The following PSD3 variants were observed in gnomAD, a reference collection of about 807,000 sequenced individuals.
PSD3 encodes the protein pleckstrin and Sec7 domain containing 3, also known as PH and SEC7 domain-containing protein 3.
A neutral mutation model predicts 105.5 loss-of-function variants in PSD3; 49 were observed. That is an observed-to-expected ratio of 0.46 (90% CI 0.37 to 0.59). The LOEUF is 0.59. Ranked by LOEUF, PSD3 falls within the 20% of genes least tolerant of loss-of-function variation. The pLI is 0.00. For synonymous variants in PSD3, 557 were observed against 457.8 expected (o/e 1.22, Z -2.77); for missense variants, 1,561 against 1,263.8 (o/e 1.24, Z -3.57).
chr8:18,936,151 T>A lies in PSD3; in HGVS notation c.22-9A>T, dbSNP rs754261751. 6.3e-7 allele frequency: 1 copy of A among 1,587,464 alleles called. No homozygotes were observed. The highest frequency in any genetic ancestry group is 8.6e-7 in the Non-Finnish European group (1 of 1,158,686). On this transcript the variant is annotated splice_polypyrimidine_tract_variant and intron_variant, in intron 1 of 15. Coordinates refer to ENST00000327040, the MANE Select transcript of PSD3 (RefSeq NM_015310.4). Reference sequence around the variant, plus strand: ...CAAACAAATGTCTCTGCCTGCAAAATAAGAACAAAACAAAGACACATTTAA... The same window carrying A: ...CAAACAAATGTCTCTGCCTGCAAAAAAAGAACAAAACAAAGACACATTTAA...
intron 9 of PSD3, among the ~76,000 whole-genome samples, chr8:18,709,339 C>G (rs555489598): frequency 1.3e-5 from 2 of 152,314 alleles, no homozygotes; most frequent in Admixed American, 6.5e-5. Flanking sequence ...GGATAAAACT[C>G]TTGATCCCTG....
chr8:18,860,139 G>C (rs1188132378), intron 4 of PSD3, among the ~76,000 whole-genome samples: 1 of 152,152 alleles, frequency 6.6e-6, no homozygotes, highest in Non-Finnish European at 1.5e-5. Flanking sequence ...GTGTGTCTCA[G>C]GCAATAGGGA....
At chr8:18,549,231 G>GC (rs1800625343) in intron 15 of PSD3, among the ~76,000 whole-genome samples, 1 of 146,902 alleles carries the variant, frequency 6.8e-6, no homozygotes, top group African/African-American at 2.6e-5. Context: ...GCCCAGGCTA[G>GC]AGTGCAATGG....
At chr8:18,899,147 C>T (rs1342677056) in intron 2 of PSD3, among the ~76,000 whole-genome samples, 1 of 152,156 alleles carries the variant, frequency 6.6e-6, no homozygotes, top group Non-Finnish European at 1.5e-5. Flanking sequence ...TCTTTTTCCT[C>T]ATCATCTGGC....
chr8:18,568,776 T>C (rs1801955779), intron 14 of PSD3, among the ~76,000 whole-genome samples: 1 of 152,034 alleles, frequency 6.6e-6, no homozygotes, highest in Non-Finnish European at 1.5e-5. Context: ...TACATACGTA[T>C]ACATGTGCCA....
At chr8:18,561,026 AG>A (rs1455661947) in intron 14 of PSD3, among the ~76,000 whole-genome samples, 1 of 152,228 alleles carries the variant, frequency 6.6e-6, no homozygotes, top group African/African-American at 2.4e-5. Flanking sequence ...GAAAACTGTA[AG>A]AAGGCTCCTC....
chr8:18,977,474 T>A (rs976757343), intron 1 of PSD3, among the ~76,000 whole-genome samples: 1 of 152,148 alleles, frequency 6.6e-6, no homozygotes, highest in Non-Finnish European at 1.5e-5. Flanking sequence ...AGCCAACTAA[T>A]GTTATTTGCT....
chr8:18,561,700 AT>A (rs746578655), intron 14 of PSD3, among the ~76,000 whole-genome samples: 23 of 152,184 alleles, frequency 1.5e-4, no homozygotes, highest in Non-Finnish European at 2.9e-4. Context: ...TGTTAAAAAA[AT>A]ATTTAATTTT....
intron 1 of PSD3, chr8:19,084,198 G>A (rs964806960): frequency 1.8e-5 from 8 of 446,858 alleles, no homozygotes; most frequent in Non-Finnish European, 3.2e-5. Context: ...GGACATGCGA[G>A]TTCTTACCTT....
chr8:18,893,300 A>G (rs1271931925), intron 2 of PSD3, among the ~76,000 whole-genome samples: 1 of 152,256 alleles, frequency 6.6e-6, no homozygotes, highest in African/African-American at 2.4e-5. Flanking sequence ...ATATACCTCC[A>G]AAGAAAAAGC....
In PSD3 at chr8:18,835,900, G is replaced by C. The variant is rs369106254; in HGVS notation, c.1635-31002C>G. 7.8e-4 allele frequency among the ~76,000 whole-genome samples: 118 copies of C among 151,322 alleles called. 2 individuals are homozygous for C. In the South Asian group the frequency reaches 0.025, roughly 31 times the overall value. ...GTAGATGGGGGGGCGGATCGTGTAG[G>C]GACTTGGAGGTCATGGTAAAGGCTC... On this transcript the variant is annotated intron_variant, in intron 4 of 15. Transcript: ENST00000327040.
chr8:18,817,625 T>A (rs1812321606), intron 4 of PSD3, among the ~76,000 whole-genome samples: 1 of 152,230 alleles, frequency 6.6e-6, no homozygotes, highest in South Asian at 2.1e-4. Flanking sequence ...GAGTAGAAGA[T>A]GCCCAAAAGC....
chr8:18,675,990 C>T (rs968063855), intron 9 of PSD3, among the ~76,000 whole-genome samples: 5 of 152,148 alleles, frequency 3.3e-5, no homozygotes, highest in African/African-American at 1.2e-4. Context: ...ATACATATTC[C>T]CACACAGAAG....
chr8:18,772,044 A>G lies in PSD3; in HGVS notation c.2083-6506T>C, dbSNP rs369781246. Among the ~76,000 whole-genome samples, 510 of 152,314 alleles carry G rather than the reference A, an allele frequency of 3.3e-3. 4 individuals carry two copies. Among genetic ancestry groups the G allele is most frequent in the African/African-American group, 0.011 (464 of 41,572 alleles). The stretch of plus-strand genomic sequence containing the variant: ...TGTCCTCAAGGTTCATCCATGTTGT[A>G]GCATGTGACAGGATTTCTTTCCTTT... On this transcript the variant is annotated intron_variant, in intron 8 of 15. Transcript: ENST00000327040.
chr8:18,868,216 T>A lies in PSD3; in HGVS notation c.1239-147A>T, dbSNP rs1817093066. 7.2e-6 allele frequency: 7 copies of A among 972,744 alleles called. No individual in the cohort carries two copies. In the Admixed American group the frequency reaches 1.5e-4, roughly 21 times the overall value. The allele number at this position is 972,744 out of a possible 1,614,324, so 60.3% of individuals were successfully genotyped here. A position where few individuals can be genotyped will look rare whatever the true frequency, so the allele number is the denominator to read the frequency against. On this transcript the variant is annotated intron_variant, in intron 3 of 15. Transcript: ENST00000327040. ...CTTAACATATTTGGGAAGGAAGCTATGAAATATAATCAGGTTGAAAAATTC... is the reference window on the plus strand; with the variant it reads ...CTTAACATATTTGGGAAGGAAGCTAAGAAATATAATCAGGTTGAAAAATTC...
intron 6 of PSD3, chr8:18,802,186 T>C (rs556842701): frequency 4.9e-6 from 1 of 204,854 alleles, no homozygotes; most frequent in Non-Finnish European, 1.1e-5. Context: ...TTGGGAGATA[T>C]AAGTAATTTA....
intron 14 of PSD3, among the ~76,000 whole-genome samples, chr8:18,558,728 G>A (rs1801224024): frequency 6.6e-6 from 1 of 152,150 alleles, no homozygotes; most frequent in African/African-American, 2.4e-5. Context: ...GGCTGAGGCA[G>A]GAGAATCACT....
intron 9 of PSD3, among the ~76,000 whole-genome samples, chr8:18,757,776 T>C (rs1296776340): frequency 6.6e-6 from 1 of 152,220 alleles, no homozygotes; most frequent in Non-Finnish European, 1.5e-5. Flanking sequence ...TCATGTTACT[T>C]TCCAGTTTTC....
At chr8:18,619,128 A>C (rs753895408) in intron 11 of PSD3, among the ~76,000 whole-genome samples, 5 of 152,064 alleles carry the variant, frequency 3.3e-5, no homozygotes, top group Non-Finnish European at 7.4e-5. Flanking sequence ...TAAACAAATA[A>C]AAAATCCTAA....
Sources: gnomAD v4.1 joint callset for allele counts (sites outside exome capture counted in the v4.1 genomes callset) on GRCh38, gnomAD v4.1.1 for gene constraint, MANE v1.5 for transcripts, NCBI Gene and HGNC (gene_info 2026-07-23, HGNC 2026-07-21) for gene names.